The following HS6ST3 variants were observed in gnomAD, a reference collection of about 807,000 sequenced individuals.
The protein encoded by HS6ST3 is heparan sulfate 6-O-sulfotransferase 3, also known as heparan-sulfate 6-O-sulfotransferase 3.
Under a neutral mutation model 36.7 loss-of-function variants are expected in HS6ST3, and 12 were observed. The ratio of observed to expected loss-of-function variants is 0.33; its 90% CI spans 0.21 to 0.53. The LOEUF (loss-of-function observed/expected upper bound fraction) is 0.53, where lower values mean the gene tolerates loss of function less well. HS6ST3 is among the 20% of genes least tolerant of loss of function. HS6ST3 has a pLI of 0.95. For missense variants in HS6ST3, 584 were observed against 640.9 expected (o/e 0.91, Z 0.96); for synonymous variants, 240 against 257.5 (o/e 0.93, Z 0.65).
intron 1 of HS6ST3, among the ~76,000 whole-genome samples, chr13:96,322,705 C>T (rs2055010398): frequency 6.6e-6 from 1 of 152,212 alleles, no homozygotes; most frequent in African/African-American, 2.4e-5. Context: ...CAGCGAAACT[C>T]TAAAAAGAAT....
At chr13:96,273,790 A>G (rs1482101116) in intron 1 of HS6ST3, among the ~76,000 whole-genome samples, 7 of 152,132 alleles carry the variant, frequency 4.6e-5, no homozygotes, top group African/African-American at 1.7e-4. Flanking sequence ...AGAGTTAAAA[A>G]GTAAGACAAT....
intron 1 of HS6ST3, among the ~76,000 whole-genome samples, chr13:96,663,205 G>C (rs1202892948): frequency 6.6e-6 from 1 of 152,162 alleles, no homozygotes; most frequent in Non-Finnish European, 1.5e-5. Context: ...CCCTGGACAG[G>C]TGGGGATGTG....
At chr13:96,662,295 A>G (rs1186409838) in intron 1 of HS6ST3, among the ~76,000 whole-genome samples, 1 of 151,920 alleles carries the variant, frequency 6.6e-6, no homozygotes, top group Non-Finnish European at 1.5e-5. Flanking sequence ...TTCATTTTTT[A>G]TGTAGTTCTA....
At chr13:96,740,133 C>T (rs1876399930) in intron 1 of HS6ST3, among the ~76,000 whole-genome samples, 1 of 152,074 alleles carries the variant, frequency 6.6e-6, no homozygotes, top group African/African-American at 2.4e-5. Flanking sequence ...TATAAAATAG[C>T]ATATTTATCT....
chr13:96,724,432 T>A (rs2138471392), intron 1 of HS6ST3, among the ~76,000 whole-genome samples: 1 of 152,274 alleles, frequency 6.6e-6, no homozygotes, highest in Non-Finnish European at 1.5e-5. Flanking sequence ...TATGTGTGCA[T>A]CATGAAGTCA....
intron 1 of HS6ST3, among the ~76,000 whole-genome samples, chr13:96,119,813 C>A (rs1012307271): frequency 6.6e-6 from 1 of 151,494 alleles, no homozygotes; most frequent in Non-Finnish European, 1.5e-5. Flanking sequence ...ACTAATGAGT[C>A]CTAAAATATT....
intron 1 of HS6ST3, among the ~76,000 whole-genome samples, chr13:96,665,171 A>C (rs1041118299): frequency 1.3e-5 from 2 of 152,138 alleles, no homozygotes; most frequent in Non-Finnish European, 2.9e-5. Context: ...TGTCTCAAAA[A>C]GATAAAATAA....
chr13:96,734,469 T>G (rs1876234018), intron 1 of HS6ST3, among the ~76,000 whole-genome samples: 1 of 152,204 alleles, frequency 6.6e-6, no homozygotes, highest in South Asian at 2.1e-4. Flanking sequence ...TCTTATAGAT[T>G]AAAGTAACTA....
At chr13:96,310,425 G>A (rs12870147) in intron 1 of HS6ST3, among the ~76,000 whole-genome samples, 1 of 152,136 alleles carries the variant, frequency 6.6e-6, no homozygotes, top group Non-Finnish European at 1.5e-5. Flanking sequence ...GGTTGTCTCA[G>A]CTTTTTGGAT....
intron 1 of HS6ST3, among the ~76,000 whole-genome samples, chr13:96,139,541 G>GCAAAAAAAAAAAAAA (rs371698480): frequency 3.2e-4 from 21 of 66,260 alleles, no homozygotes; most frequent in African/African-American, 1.2e-3. Flanking sequence ...GTAAGATTCA[G>GCAAAAAAAAAAAAAA]AAAAAAAAAA....
In HS6ST3 at chr13:96,814,918, A is replaced by C. The variant is rs182395117; in HGVS notation, c.708-17572A>C. On this transcript the variant is annotated intron_variant, in intron 1 of 1. Transcript: ENST00000376705. The stretch of plus-strand genomic sequence containing the variant: ...TTTTTAAAGTTGTCTTGTGTTTCTC[A>C]AATATTTAGTATTCTTGACAGTCCA... Among the ~76,000 whole-genome samples, 473 of 152,278 alleles carry C rather than the reference A, an allele frequency of 3.1e-3. 7 individuals carry two copies. The highest frequency in any genetic ancestry group is 0.02 in the Middle Eastern group (6 of 294).
intron 1 of HS6ST3, among the ~76,000 whole-genome samples, chr13:96,101,592 G>T (rs1422227181): frequency 6.6e-6 from 1 of 151,712 alleles, no homozygotes; most frequent in Non-Finnish European, 1.5e-5. Flanking sequence ...TCAATTCACT[G>T]CTTGAATTCT....
chr13:96,464,554 G>A (rs867535612), intron 1 of HS6ST3, among the ~76,000 whole-genome samples: 8 of 152,058 alleles, frequency 5.3e-5, no homozygotes, highest in South Asian at 4.2e-4. Flanking sequence ...GTTTGTAATT[G>A]CTAAAAAGTG....
At chr13:96,342,305 A>T (rs565785420) in intron 1 of HS6ST3, among the ~76,000 whole-genome samples, 1 of 152,254 alleles carries the variant, frequency 6.6e-6, no homozygotes, top group South Asian at 2.1e-4. Flanking sequence ...TTTGTCTATC[A>T]TATCTACTTC....
At chr13:96,654,474 C>T (rs1451349475) in intron 1 of HS6ST3, among the ~76,000 whole-genome samples, 1 of 152,100 alleles carries the variant, frequency 6.6e-6, no homozygotes, top group African/African-American at 2.4e-5. Context: ...GAATCCTTTC[C>T]CCATTGCTTG....
intron 1 of HS6ST3, among the ~76,000 whole-genome samples, chr13:96,657,298 C>T (rs558257639): frequency 1.3e-5 from 2 of 152,226 alleles, no homozygotes; most frequent in South Asian, 2.1e-4. Flanking sequence ...CAGTGGCTCA[C>T]ACCTATAATC....
chr13:96,177,511 T>A (rs540511466), intron 1 of HS6ST3, among the ~76,000 whole-genome samples: 6 of 152,238 alleles, frequency 3.9e-5, no homozygotes, highest in Non-Finnish European at 5.9e-5. Context: ...CTTAGCAAAC[T>A]AATGCAGGAA....
chr13:96,312,906 C>T (rs1209816634), intron 1 of HS6ST3, among the ~76,000 whole-genome samples: 1 of 141,370 alleles, frequency 7.1e-6, no homozygotes, highest in South Asian at 2.2e-4. Context: ...GAGCTGAGAT[C>T]GCACCACTGC....
intron 1 of HS6ST3, among the ~76,000 whole-genome samples, chr13:96,320,248 A>G (rs2054996662): frequency 6.6e-6 from 1 of 152,110 alleles, no homozygotes; most frequent in African/African-American, 2.4e-5. Flanking sequence ...TGCTTGTCTT[A>G]TATTCCCCCC....
Sources: allele counts gnomAD v4.1 joint callset (sites outside exome capture counted in the v4.1 genomes callset), GRCh38; gene constraint gnomAD v4.1.1; transcripts MANE v1.5; gene names NCBI Gene and HGNC (gene_info 2026-07-23, HGNC 2026-07-21).